The following LDAH variants were observed in gnomAD, a reference collection of about 807,000 sequenced individuals.
The protein encoded by LDAH is lipid droplet associated hydrolase, also known as lipid droplet-associated hydrolase.
In LDAH, 26 loss-of-function variants were observed where a neutral mutation model predicts 29.6. The observed-to-expected ratio is 0.88, with a 90% confidence interval of 0.64 to 1.22. The LOEUF (loss-of-function observed/expected upper bound fraction) is 1.22. Ranked by LOEUF, LDAH falls within the 50% of genes most tolerant of loss-of-function variation. LDAH has a pLI of 0.00. For missense variants in LDAH, 344 were observed against 387.3 expected (o/e 0.89, Z 0.94); for synonymous variants, 117 against 133.0 (o/e 0.88, Z 0.83).
chr2:20,744,497 A>G (rs1667434738), intron 4 of LDAH, among the ~76,000 whole-genome samples: 1 of 152,098 alleles, frequency 6.6e-6, no homozygotes, highest in Non-Finnish European at 1.5e-5. Flanking sequence ...TCTGGAGTTT[A>G]GTATTTCCCT....
intron 1 of LDAH, among the ~76,000 whole-genome samples, chr2:20,822,682 T>C (rs186435374): frequency 3.3e-5 from 5 of 152,286 alleles, no homozygotes; most frequent in Non-Finnish European, 5.9e-5. Flanking sequence ...GGCCCAGAGT[T>C]TGACCCCTCC....
chr2:20,755,573 A>C lies in LDAH; in HGVS notation c.469-15368T>G, dbSNP rs565762349. ...GCAGGGCACAGAGCAGACTTGATGA[A>C]TGAAAGGCTGGCTGAGAGGCAGCCA... On this transcript the variant is annotated intron_variant, in intron 4 of 6. Coordinates refer to ENST00000237822, the MANE Select transcript of LDAH (RefSeq NM_021925.4). 2.7e-3 allele frequency among the ~76,000 whole-genome samples: 416 copies of C among 152,310 alleles called. 1 individual carries two copies. The highest frequency in any genetic ancestry group is 9.5e-3 in the African/African-American group (395 of 41,572).
intron 6 of LDAH, among the ~76,000 whole-genome samples, chr2:20,694,252 T>G (rs184347965): frequency 6.6e-6 from 1 of 152,240 alleles, no homozygotes; most frequent in Non-Finnish European, 1.5e-5. Flanking sequence ...CATGCCCATT[T>G]CTGGGGAGAG....
intron 3 of LDAH, among the ~76,000 whole-genome samples, chr2:20,780,620 T>G (rs1252431637): frequency 1.3e-5 from 2 of 152,176 alleles, no homozygotes; most frequent in African/African-American, 2.4e-5. Flanking sequence ...TGGACTCGGT[T>G]CTGTGATCAA....
intron 6 of LDAH, among the ~76,000 whole-genome samples, chr2:20,690,012 T>C (rs1347836403): frequency 1.3e-5 from 2 of 152,270 alleles, no homozygotes; most frequent in Admixed American, 1.3e-4. Flanking sequence ...TGTTGCTTTC[T>C]GTCTGACATT....
chr2:20,686,923 C>A lies in LDAH; in HGVS notation c.958G>T (p.Asp320Tyr). 1 of 1,613,658 alleles carries A rather than the reference C, an allele frequency of 6.2e-7. No homozygotes were observed. Among genetic ancestry groups the A allele is most frequent in the Non-Finnish European group, 8.5e-7 (1 of 1,179,778 alleles). Residue 320 changes from aspartate to tyrosine, a missense_variant, in exon 7 of 7, where the codon GAT becomes TAT. Physicochemically the swap from Asp to Tyr is radical, Grantham distance 160. Transcript: ENST00000237822. ...MADMIADSLK[D>Y]DLSKM Reference sequence around the variant, plus strand: ...CCAATTTACATTTTGGACAAGTCATCCTTTAGGGAGTCAGCAATCATGTCT... The same window carrying A: ...CCAATTTACATTTTGGACAAGTCATACTTTAGGGAGTCAGCAATCATGTCT...
rs938340952 is a variant in LDAH at position 20,684,217 on chromosome 2, A to G, written c.*2686T>C. ...ACACTCTCTTACTTCTTCCCAGTACAACCACTGAAATCAGAAAATTAACAG... is the reference window on the plus strand; with the variant it reads ...ACACTCTCTTACTTCTTCCCAGTACGACCACTGAAATCAGAAAATTAACAG... On this transcript the variant is annotated 3_prime_UTR_variant, in exon 7 of 7. Transcript: ENST00000237822. 2 of 152,184 alleles carry G rather than the reference A, an allele frequency of 1.3e-5. No homozygotes were observed. Among genetic ancestry groups the G allele is most frequent in the African/African-American group, 4.8e-5 (2 of 41,420 alleles). 9.4% of individuals were successfully genotyped at this position (152,184 alleles called of 1,614,324 possible). A position where few individuals can be genotyped will look rare whatever the true frequency, so the allele number is the denominator to read the frequency against.
chr2:20,737,569 G>A (rs1323259378), intron 5 of LDAH, among the ~76,000 whole-genome samples: 1 of 152,146 alleles, frequency 6.6e-6, no homozygotes, highest in Non-Finnish European at 1.5e-5. Flanking sequence ...AAGGTAGACT[G>A]GCCCTAACTC....
At chr2:20,770,334 G>T (rs951001197) in intron 4 of LDAH, among the ~76,000 whole-genome samples, 4 of 152,100 alleles carry the variant, frequency 2.6e-5, no homozygotes, top group African/African-American at 9.7e-5. Context: ...AAAAAATTAA[G>T]TTTGTGAAGG....
intron 3 of LDAH, chr2:20,789,419 C>T (rs1475628321): frequency 1.4e-6 from 2 of 1,446,392 alleles, no homozygotes; most frequent in African/African-American, 2.9e-5. Flanking sequence ...TCTCAAGAAA[C>T]TATGAGAAAT....
At chr2:20,743,539 T>C (rs998160352) in intron 4 of LDAH, among the ~76,000 whole-genome samples, 2 of 152,316 alleles carry the variant, frequency 1.3e-5, no homozygotes, top group East Asian at 1.9e-4. Flanking sequence ...TATGTAAGCA[T>C]ACATATAACA....
chr2:20,779,831 T>G (rs1221803423), intron 3 of LDAH, among the ~76,000 whole-genome samples: 1 of 152,204 alleles, frequency 6.6e-6, no homozygotes, highest in Non-Finnish European at 1.5e-5. Flanking sequence ...ATGCGGTTGT[T>G]CCTAGATATC....
chr2:20,814,203 T>G (rs976061498), intron 1 of LDAH, among the ~76,000 whole-genome samples: 2 of 135,408 alleles, frequency 1.5e-5, no homozygotes, highest in Non-Finnish European at 3.2e-5. Flanking sequence ...TTAATCACAA[T>G]GTTATACTGT....
chr2:20,779,676 A>G (rs538765286), intron 3 of LDAH, among the ~76,000 whole-genome samples: 12 of 152,106 alleles, frequency 7.9e-5, no homozygotes, highest in Non-Finnish European at 1.5e-4. Flanking sequence ...TATTTCACTT[A>G]TTTTGTTAAC....
Position 20,685,675 on chromosome 2 carries a change from A to G in LDAH, c.*1228T>C, listed in dbSNP as rs1033619142. 23 of 1,547,598 alleles carry G rather than the reference A, an allele frequency of 1.5e-5. No individual in the cohort carries two copies. Among genetic ancestry groups the G allele is most frequent in the Non-Finnish European group, 1.9e-5 (22 of 1,146,146 alleles). ...GATTTCCTCTAGGAGAAAAAGGAATATTTCTGATCCATGATCAACTGTCAC... is the reference window on the plus strand; with the variant it reads ...GATTTCCTCTAGGAGAAAAAGGAATGTTTCTGATCCATGATCAACTGTCAC... On this transcript the variant is annotated 3_prime_UTR_variant, in exon 7 of 7. Transcript: ENST00000237822.
At chr2:20,814,841 A>G (rs1215034309) in intron 1 of LDAH, among the ~76,000 whole-genome samples, 1 of 152,180 alleles carries the variant, frequency 6.6e-6, no homozygotes, top group Non-Finnish European at 1.5e-5. Context: ...CAATTTGCCA[A>G]GGCCTAAATT....
intron 6 of LDAH, among the ~76,000 whole-genome samples, chr2:20,689,471 A>T (rs1400518432): frequency 6.6e-6 from 1 of 152,196 alleles, no homozygotes; most frequent in Non-Finnish European, 1.5e-5. Context: ...CTGTAGCTCT[A>T]AAATGCTGCA....
chr2:20,816,759 A>G (rs539105899), intron 1 of LDAH, among the ~76,000 whole-genome samples: 1 of 152,188 alleles, frequency 6.6e-6, no homozygotes, highest in African/African-American at 2.4e-5. Context: ...TGCAACCAAT[A>G]ATAACAGAAT....
intron 3 of LDAH, among the ~76,000 whole-genome samples, chr2:20,781,118 C>CT (rs1306746344): frequency 6.6e-6 from 1 of 152,186 alleles, no homozygotes; most frequent in Non-Finnish European, 1.5e-5. Flanking sequence ...TCATTTCATA[C>CT]TTTCTAAACA....
Sources: allele counts gnomAD v4.1 joint callset (sites outside exome capture counted in the v4.1 genomes callset), GRCh38; gene constraint gnomAD v4.1.1; transcripts MANE v1.5; gene names NCBI Gene and HGNC (gene_info 2026-07-23, HGNC 2026-07-21).